Variants in RIN2 observed in about 807,000 individuals in gnomAD.
The protein encoded by RIN2 is Ras and Rab interactor 2, also known as RAB5 interacting protein 2.
Under a neutral mutation model 78.0 loss-of-function variants are expected in RIN2, and 36 were observed. The observed-to-expected ratio is 0.46, with a 90% confidence interval of 0.35 to 0.61. RIN2 has a LOEUF of 0.61. RIN2 is among the 20% of genes least tolerant of loss of function. The pLI, the probability that RIN2 is intolerant of heterozygous loss-of-function variation, is 0.00. For synonymous variants in RIN2, 466 were observed against 466.8 expected, an observed-to-expected ratio of 1.00 and a Z score of 0.02; for missense variants, 1,087 against 1,159.7, an observed-to-expected ratio of 0.94 and a Z score of 0.91.
intron 6 of RIN2, among the ~76,000 whole-genome samples, chr20:19,963,129 A>G (rs1430210113): frequency 6.6e-6 from 1 of 152,100 alleles, no homozygotes; most frequent in Non-Finnish European, 1.5e-5. Context: ...GTTAGGGTCC[A>G]TTTTCCAGAT....
chr20:19,922,818 G>C (rs2039981033), intron 3 of RIN2, among the ~76,000 whole-genome samples: 1 of 152,082 alleles, frequency 6.6e-6, no homozygotes. Flanking sequence ...TCTGCCACCT[G>C]GACCCCACCC....
intron 2 of RIN2, among the ~76,000 whole-genome samples, chr20:19,885,549 C>T (rs980839733): frequency 1.2e-4 from 6 of 49,054 alleles, no homozygotes; most frequent in African/African-American, 4.4e-4. Context: ...CGCCTGTAAT[C>T]CTGGCTACTT....
rs185391433 is a variant in RIN2, at chr20:19,764,601, A to T, written c.-163+6274A>T. On this transcript the variant is annotated intron_variant, in intron 1 of 12. Transcript: ENST00000255006. ...TTATACAAAATCTTTAACCTTTTGC[A>T]TCATCAAATGTTTGTGCTTTTTCTT... is the stretch of plus-strand genomic sequence containing the variant. Among the ~76,000 whole-genome samples, 5 of 152,354 alleles carry T rather than the reference A, an allele frequency of 3.3e-5. No individual in the cohort carries two copies. The East Asian group carries it at 9.6e-4, about 29-fold the overall frequency.
At chr20:19,930,687 C>A (rs1162517981) in intron 3 of RIN2, among the ~76,000 whole-genome samples, 1 of 152,092 alleles carries the variant, frequency 6.6e-6, no homozygotes, top group Admixed American at 6.5e-5. Flanking sequence ...CTGTTTGGGG[C>A]CACAGCCACG....
At chr20:19,942,041 T>C (rs1027502489) in intron 4 of RIN2, among the ~76,000 whole-genome samples, 2 of 147,476 alleles carry the variant, frequency 1.4e-5, no homozygotes, top group African/African-American at 2.6e-5. Context: ...ACCTGAAAGA[T>C]GGAGGTTGTC....
chr20:19,932,100 G>T (rs1043297000), intron 3 of RIN2, among the ~76,000 whole-genome samples: 1 of 152,200 alleles, frequency 6.6e-6, no homozygotes, highest in Non-Finnish European at 1.5e-5. Context: ...CATTGTAACG[G>T]TCTTAAAAGG....
intron 12 of RIN2, among the ~76,000 whole-genome samples, chr20:19,999,080 G>A (rs2043060028): frequency 6.6e-6 from 1 of 152,016 alleles, no homozygotes; most frequent in Non-Finnish European, 1.5e-5. Context: ...CAGACCCAAA[G>A]CTCCATCTGG....
At chr20:19,779,015 A>G (rs2034407064) in intron 1 of RIN2, among the ~76,000 whole-genome samples, 1 of 152,188 alleles carries the variant, frequency 6.6e-6, no homozygotes, top group South Asian at 2.1e-4. Context: ...CCACAAGGAA[A>G]TTATAAGTAA....
At chr20:19,875,966 GT>G (rs2037843146) in intron 2 of RIN2, among the ~76,000 whole-genome samples, 1 of 152,238 alleles carries the variant, frequency 6.6e-6, no homozygotes, top group Admixed American at 6.5e-5. Flanking sequence ...GAGGAGGAAA[GT>G]AAGGGCACAG....
chr20:19,759,064 C>T (rs1221457306), intron 1 of RIN2, among the ~76,000 whole-genome samples: 1 of 152,204 alleles, frequency 6.6e-6, no homozygotes, highest in Non-Finnish European at 1.5e-5. Context: ...TGGCCTCCAC[C>T]CTTGGCCTGG....
intron 3 of RIN2, among the ~76,000 whole-genome samples, chr20:19,896,840 C>T (rs571341089): frequency 6.6e-6 from 1 of 152,170 alleles, no homozygotes; most frequent in African/African-American, 2.4e-5. Context: ...ACATTTAAAA[C>T]TTTAAAAGGA....
At chr20:19,792,383 TGA>T (rs2034915989) in intron 1 of RIN2, among the ~76,000 whole-genome samples, 2 of 152,182 alleles carry the variant, frequency 1.3e-5, no homozygotes, top group African/African-American at 4.8e-5. Context: ...TCATTTCTCG[TGA>T]ACATTTAAAC....
intron 2 of RIN2, among the ~76,000 whole-genome samples, chr20:19,808,199 A>G (rs1050677889): frequency 6.6e-6 from 1 of 152,254 alleles, no homozygotes; most frequent in Non-Finnish European, 1.5e-5. Context: ...CGTGCCGTTA[A>G]GATGCCTGCA....
chr20:19,922,757 A>G (rs994671169), intron 3 of RIN2, among the ~76,000 whole-genome samples: 1 of 152,216 alleles, frequency 6.6e-6, no homozygotes, highest in African/African-American at 2.4e-5. Flanking sequence ...TCCTGCTCCC[A>G]GGAAGCGCCC....
At chr20:19,937,270 G>A (rs1403452763) in intron 4 of RIN2, among the ~76,000 whole-genome samples, 1 of 152,234 alleles carries the variant, frequency 6.6e-6, no homozygotes, top group Non-Finnish European at 1.5e-5. Flanking sequence ...AGCCAAAGGG[G>A]AGAGGAGGGA....
intron 2 of RIN2, among the ~76,000 whole-genome samples, chr20:19,875,136 C>T (rs2037815815): frequency 6.6e-6 from 1 of 151,850 alleles, no homozygotes; most frequent in South Asian, 2.1e-4. Flanking sequence ...GCTGGGATTA[C>T]AGGCATGAGC....
At chr20:19,769,082 C>T (rs994583077) in intron 1 of RIN2, among the ~76,000 whole-genome samples, 15 of 152,068 alleles carry the variant, frequency 9.9e-5, no homozygotes, top group South Asian at 8.3e-4. Flanking sequence ...CCGCCACGCC[C>T]AGCTAATTTT....
At chr20:19,826,272 ATAGC>A (rs1426597299) in intron 2 of RIN2, among the ~76,000 whole-genome samples, 2 of 152,332 alleles carry the variant, frequency 1.3e-5, no homozygotes, top group Admixed American at 6.5e-5. Context: ...AATTATGAGA[ATAGC>A]TAGCATTTAT....
At chr20:19,886,514 T>TTG (rs2038197218) in intron 2 of RIN2, 1 of 573,526 alleles carries the variant, frequency 1.7e-6, no homozygotes, top group Non-Finnish European at 3.1e-6. Context: ...CCAGCTCCGT[T>TTG]TACATTCTTT....
Sources: gnomAD v4.1 joint callset for allele counts (sites outside exome capture counted in the v4.1 genomes callset) on GRCh38, gnomAD v4.1.1 for gene constraint, MANE v1.5 for transcripts, NCBI Gene and HGNC (gene_info 2026-07-23, HGNC 2026-07-21) for gene names.